Variants in SNTB1 observed in about 807,000 individuals in gnomAD.
SNTB1 encodes the protein beta-1-syntrophin.
SNTB1 carries 36 observed loss-of-function variants against 48.9 expected under a neutral mutation model. The ratio of observed to expected loss-of-function variants is 0.74; its 90% CI spans 0.56 to 0.97. The LOEUF (loss-of-function observed/expected upper bound fraction) is 0.97. Ranked by LOEUF, SNTB1 falls within the 50% of genes least tolerant of loss-of-function variation. The probability of loss-of-function intolerance (pLI) is 0.00; values close to 1 mark genes in which losing one functional copy is unlikely to be tolerated. For synonymous variants in SNTB1, 299 were observed against 294.6 expected (o/e 1.01, Z -0.15); for missense variants, 786 against 703.4 (o/e 1.12, Z -1.33).
At chr8:120,628,822 G>A (rs1816928819) in intron 3 of SNTB1, among the ~76,000 whole-genome samples, 1 of 152,038 alleles carries the variant, frequency 6.6e-6, no homozygotes, top group African/African-American at 2.4e-5. Flanking sequence ...TGATGTGCAT[G>A]ACCCATCTAC....
chr8:120,797,403 T>C (rs1449799606), intron 1 of SNTB1, among the ~76,000 whole-genome samples: 1 of 152,008 alleles, frequency 6.6e-6, no homozygotes, highest in Non-Finnish European at 1.5e-5. Flanking sequence ...CATATGACTT[T>C]GTTATTCAGG....
chr8:120,676,947 C>A (rs1287064180), intron 2 of SNTB1, among the ~76,000 whole-genome samples: 1 of 151,782 alleles, frequency 6.6e-6, no homozygotes, highest in Non-Finnish European at 1.5e-5. Context: ...ACCTGCAGTC[C>A]CAGCTACTCA....
intron 3 of SNTB1, among the ~76,000 whole-genome samples, chr8:120,615,691 G>T (rs556573641): frequency 6.6e-6 from 1 of 152,200 alleles, no homozygotes; most frequent in South Asian, 2.1e-4. Context: ...AAGTTTTAAA[G>T]CAAGTCTCTT....
At chr8:120,714,761 C>T (rs1424974273) in intron 1 of SNTB1, among the ~76,000 whole-genome samples, 6 of 152,194 alleles carry the variant, frequency 3.9e-5, no homozygotes, top group East Asian at 3.9e-4. Flanking sequence ...AATATCACGG[C>T]GGAAGGTTTC....
chr8:120,674,886 A>T (rs1359469887), intron 2 of SNTB1, among the ~76,000 whole-genome samples: 5 of 152,224 alleles, frequency 3.3e-5, no homozygotes, highest in Admixed American at 1.3e-4. Context: ...TAAGCTAGGA[A>T]GGCAGAAGGA....
chr8:120,695,706 C>T (rs1315852680), intron 1 of SNTB1, among the ~76,000 whole-genome samples: 2 of 152,138 alleles, frequency 1.3e-5, no homozygotes, highest in East Asian at 3.8e-4. Flanking sequence ...TACCCAGATG[C>T]ATGTAATATG....
rs1815195237 is a variant in SNTB1 at position 120,535,936 on chromosome 8, C to T, written c.*2941G>A. 6.6e-6 allele frequency: 1 copy of T among 152,040 alleles called. No homozygotes were observed. The highest frequency in any genetic ancestry group is 1.5e-5 in the Non-Finnish European group (1 of 68,010). The allele number at this position is 152,040 out of a possible 1,614,324, so 9.4% of individuals were successfully genotyped here. On this transcript the variant is annotated 3_prime_UTR_variant, in exon 7 of 7. Transcript: ENST00000517992. ...TTTGGAAAACAGGGTCCAGAAAGGCCCTGCCCATTAATTTTAAAACTTTCT... is the reference window on the plus strand; with the variant it reads ...TTTGGAAAACAGGGTCCAGAAAGGCTCTGCCCATTAATTTTAAAACTTTCT...
chr8:120,743,152 A>G (rs1276584213), intron 1 of SNTB1, among the ~76,000 whole-genome samples: 1 of 152,158 alleles, frequency 6.6e-6, no homozygotes, highest in Non-Finnish European at 1.5e-5. Context: ...ATTCTTCTTT[A>G]TGGGTTTTTC....
intron 2 of SNTB1, among the ~76,000 whole-genome samples, chr8:120,664,851 CTG>C (rs1177464416): frequency 2.0e-5 from 3 of 152,202 alleles, no homozygotes; most frequent in Non-Finnish European, 4.4e-5. Context: ...AATAGCCAAA[CTG>C]TATCAGAGTG....
At chr8:120,727,354 T>A (rs1053775487) in intron 1 of SNTB1, among the ~76,000 whole-genome samples, 1 of 152,180 alleles carries the variant, frequency 6.6e-6, no homozygotes, top group African/African-American at 2.4e-5. Flanking sequence ...AGGCAAGGAC[T>A]GTGAGGAGCA....
At chr8:120,594,176 C>T (rs1816287428) in intron 3 of SNTB1, among the ~76,000 whole-genome samples, 1 of 151,750 alleles carries the variant, frequency 6.6e-6, no homozygotes, top group Admixed American at 6.6e-5. Context: ...TGATCCTCCC[C>T]CCTCAGCCTC....
intron 1 of SNTB1, among the ~76,000 whole-genome samples, chr8:120,721,540 T>C (rs1448413182): frequency 2.0e-5 from 3 of 152,222 alleles, no homozygotes; most frequent in Admixed American, 6.5e-5. Flanking sequence ...GAATGAGCCT[T>C]ACTACTCTAA....
At chr8:120,725,372 C>T (rs1818735527) in intron 1 of SNTB1, among the ~76,000 whole-genome samples, 1 of 152,166 alleles carries the variant, frequency 6.6e-6, no homozygotes, top group Non-Finnish European at 1.5e-5. Flanking sequence ...GCCCTTCATT[C>T]CACTTCTTGA....
At chr8:120,624,900 AG>A (rs1223811804) in intron 3 of SNTB1, among the ~76,000 whole-genome samples, 2 of 152,242 alleles carry the variant, frequency 1.3e-5, no homozygotes, top group Admixed American at 1.3e-4. Context: ...ACCTGGTCCC[AG>A]TTAAGTCCAA....
intron 1 of SNTB1, among the ~76,000 whole-genome samples, chr8:120,727,687 A>G (rs1380982663): frequency 6.6e-6 from 1 of 152,206 alleles, no homozygotes; most frequent in Non-Finnish European, 1.5e-5. Context: ...TTCATGAAAG[A>G]GCAGAAGTTT....
chr8:120,759,875 G>GC (rs33978727), intron 1 of SNTB1, among the ~76,000 whole-genome samples: 18,503 of 152,064 alleles, frequency 0.12, 3,728 homozygotes, highest in African/African-American at 0.42. Context: ...CTTGACAGGT[G>GC]CCCATCATTT....
Position 120,538,630 on chromosome 8 carries a change from A to G in SNTB1, c.*247T>C, listed in dbSNP as rs2130638917. The G allele has an allele frequency of 1.7e-6, 1 of 572,908 alleles. No homozygotes were observed. The highest frequency in any genetic ancestry group is 1.5e-5 in the South Asian group (1 of 65,624). 35.5% of individuals were successfully genotyped at this position (572,908 alleles called of 1,614,324 possible). On this transcript the variant is annotated 3_prime_UTR_variant, in exon 7 of 7. Coordinates refer to ENST00000517992, the MANE Select transcript of SNTB1 (RefSeq NM_021021.4). ...TATGCTGTGTATTTCCCGTCACCTC[A>G]CCTCTTTAACCTTGTACTGTTCTAG...
chr8:120,785,269 G>A (rs1563601645), intron 1 of SNTB1, among the ~76,000 whole-genome samples: 1 of 152,182 alleles, frequency 6.6e-6, no homozygotes, highest in East Asian at 1.9e-4. Flanking sequence ...TCTGTTTCCT[G>A]GGTGGACCAG....
rs1587151867 is a variant in SNTB1 at position 120,774,615 on chromosome 8, C to A, written c.571+36658G>T. On this transcript the variant is annotated intron_variant, in intron 1 of 6. Coordinates refer to ENST00000517992, the MANE Select transcript of SNTB1 (RefSeq NM_021021.4). Reference sequence around the variant, plus strand: ...GAGCCTGGTGGCAGATTACAAAAACCAAAGAAGAGGAGGGTTTGTTGGTTT... The same window carrying A: ...GAGCCTGGTGGCAGATTACAAAAACAAAAGAAGAGGAGGGTTTGTTGGTTT... 2.0e-5 allele frequency among the ~76,000 whole-genome samples: 3 copies of A among 152,064 alleles called. No homozygotes were observed. The East Asian group carries it at 5.8e-4, about 29-fold the overall frequency.
Sources: allele counts gnomAD v4.1 joint callset (sites outside exome capture counted in the v4.1 genomes callset), GRCh38; gene constraint gnomAD v4.1.1; transcripts MANE v1.5; gene names NCBI Gene and HGNC (gene_info 2026-07-23, HGNC 2026-07-21).